FAM161A: variants seen among roughly 807,000 people sequenced by gnomAD.
FAM161A encodes the protein FAM161 centrosomal protein A, also known as protein FAM161A.
In FAM161A, 57 loss-of-function variants were observed where a neutral mutation model predicts 70.9. The observed-to-expected ratio is 0.80, with a 90% CI of 0.65 to 1.00. The LOEUF is 1.00. Ranked by LOEUF, FAM161A falls within the 50% of genes least tolerant of loss-of-function variation. FAM161A has a pLI of 0.00. For synonymous variants in FAM161A, 299 were observed against 295.7 expected, an observed-to-expected ratio of 1.01 and a Z score of -0.12; for missense variants, 880 against 836.0, an observed-to-expected ratio of 1.05 and a Z score of -0.65.
chr2:61,808,078 G>A, the FAM161A span, among the ~76,000 whole-genome samples: 1 of 152,184 alleles, frequency 6.6e-6, no homozygotes, highest in African/African-American at 2.4e-5. Context: ...TTATTTGGGA[G>A]GTGATGGCAG....
At chr2:61,850,143 T>A (rs1315677500) in intron 1 of FAM161A, among the ~76,000 whole-genome samples, 2 of 152,190 alleles carry the variant, frequency 1.3e-5, no homozygotes, top group African/African-American at 4.8e-5. Context: ...ATGCCTGTAA[T>A]CCCAGTACTT....
intron 1 of FAM161A, among the ~76,000 whole-genome samples, chr2:61,851,482 G>A (rs1035543674): frequency 3.3e-5 from 5 of 152,120 alleles, no homozygotes; most frequent in East Asian, 1.9e-4. Context: ...TTACAGGCGC[G>A]TGCCACCACG....
chr2:61,829,859 G>T (rs1335970107), intron 5 of FAM161A, among the ~76,000 whole-genome samples: 1 of 152,010 alleles, frequency 6.6e-6, no homozygotes, highest in Non-Finnish European at 1.5e-5. Flanking sequence ...CAGCAGCAGC[G>T]AGACCACAAT....
the FAM161A span, chr2:61,803,081 C>T: frequency 5.9e-3 from 2,105 of 355,218 alleles, 42 homozygotes; most frequent in African/African-American, 0.042. Flanking sequence ...TATCCTAACA[C>T]ATAGGATAGG....
Position 61,827,202 on chromosome 2 carries a change from T to A in FAM161A, c.1908A>T (p.Gly636=), listed in dbSNP as rs1672400688. The stretch of plus-strand genomic sequence containing the variant: ...TCTTTGAAACAAACTCATCAGATAT[T>A]CCTAGTGCTTTTAGGGTATTAGAAT... ...KHYSNTLKAL[G]ISDEFVSKKG... is the part of the protein sequence containing the mutation. Residue 636 remains glycine, a synonymous_variant, in exon 6 of 7, where the codon GGA becomes GGT. Transcript: ENST00000404929. The A allele has an allele frequency of 6.2e-7, 1 of 1,613,976 alleles. No homozygotes were observed. Among genetic ancestry groups the A allele is most frequent in the Non-Finnish European group, 8.5e-7 (1 of 1,179,964 alleles).
Position 61,839,458 on chromosome 2 carries a change from G to A in FAM161A, c.1546C>T (p.Pro516Ser). The A allele has an allele frequency of 6.2e-7, 1 of 1,614,132 alleles. No homozygotes were observed. Among genetic ancestry groups the A allele is most frequent in the Non-Finnish European group, 8.5e-7 (1 of 1,180,020 alleles). ...PVPCNCNPPV[P>S]TVSSRGREQA... ...TCTCGTCCTCTGGAAGATACCGTGGGCACGGGAGGGTTGCAGTTACAAGGC... is the reference window on the plus strand; with the variant it reads ...TCTCGTCCTCTGGAAGATACCGTGGACACGGGAGGGTTGCAGTTACAAGGC... Residue 516 changes from proline (P) to serine (S), a missense_variant, in exon 3 of 7, where the codon CCC (proline) becomes TCC (serine). Coordinates refer to ENST00000404929, the MANE Select transcript of FAM161A (RefSeq NM_001201543.2).
At chr2:61,824,579 C>T (rs1470361576), downstream of FAM161A, among the ~76,000 whole-genome samples, 1 of 152,072 alleles carries the variant, frequency 6.6e-6, no homozygotes, top group Non-Finnish European at 1.5e-5. Context: ...CCTACAGCCA[C>T]TCAAGATAGG....
intron 1 of FAM161A, among the ~76,000 whole-genome samples, chr2:61,847,222 C>T (rs1391710963): frequency 6.6e-6 from 1 of 152,062 alleles, no homozygotes; most frequent in Non-Finnish European, 1.5e-5. Flanking sequence ...GCTGTTCCCT[C>T]TCCCTAGGAT....
rs1333040193 is a variant in FAM161A, at chr2:61,825,423, G to T, written c.*1032C>A. The T allele has an allele frequency of 2.2e-6, 1 of 454,038 alleles. No homozygotes were observed. Among genetic ancestry groups the T allele is most frequent in the Admixed American group, 2.4e-5 (1 of 42,538 alleles). 28.1% of individuals were successfully genotyped at this position (454,038 alleles called of 1,614,324 possible). ...AAAAGGGATACTTGCCCCTAATTTA[G>T]ATTATAACTCACACATGCCATAATT... On this transcript the variant is annotated 3_prime_UTR_variant, in exon 7 of 7. Transcript: ENST00000404929.
At chr2:61,824,801 C>T (rs1385783241), downstream of FAM161A, 1 of 318,576 alleles carries the variant, frequency 3.1e-6, no homozygotes, top group South Asian at 2.8e-5. Context: ...TGTTTTTAAT[C>T]CCATGTGTAC....
At chr2:61,805,248 G>A in the FAM161A span, among the ~76,000 whole-genome samples, 1 of 152,160 alleles carries the variant, frequency 6.6e-6, no homozygotes, top group Non-Finnish European at 1.5e-5. Context: ...GACTTTGCCT[G>A]TAACCTCTGC....
Position 61,839,610 on chromosome 2 carries a change from G to T in FAM161A, c.1394C>A (p.Ala465Glu), listed in dbSNP as rs1224273976. 6.2e-7 allele frequency: 1 copy of T among 1,614,204 alleles called. No individual in the cohort carries two copies. The highest frequency in any genetic ancestry group is 8.5e-7 in the Non-Finnish European group (1 of 1,180,030). ...KPFDLHASPH[A>E]SIKREKILAD... is the part of the protein sequence containing the mutation. Reference sequence around the variant, plus strand: ...CAAAATTTTTTCTCTTTTAATAGATGCATGTGGAGATGCATGAAGATCAAA... The same window carrying T: ...CAAAATTTTTTCTCTTTTAATAGATTCATGTGGAGATGCATGAAGATCAAA... The change falls in exon 3 of 7, where the codon GCA (alanine) becomes GAA (glutamate). Residue 465 changes from alanine to glutamate, a missense_variant. Transcript: ENST00000404929.
At chr2:61,819,894 C>T (rs1410179931), downstream of FAM161A, among the ~76,000 whole-genome samples, 2 of 152,040 alleles carry the variant, frequency 1.3e-5, no homozygotes, top group South Asian at 2.1e-4. Flanking sequence ...TTGAGAAAGG[C>T]TCATTTATGA....
In FAM161A at chr2:61,842,190, C is replaced by A. The variant is rs140622968; in HGVS notation, c.354G>T (p.Gln118His). ...ETMAKLEKMY[Q>H]DKLHLKEVQP... is the part of the protein sequence containing the mutation. ...GAACTTCCTTTAAATGTAATTTATC[C>A]TGGTACATTTTCTCTAATTTTGCCA... The change falls in exon 2 of 7, where the codon CAG becomes CAT. Residue 118 changes from glutamine (Q) to histidine (H), a missense_variant. Gln to His is a conservative substitution (Grantham distance 24). Transcript: ENST00000404929. 5.7e-4 allele frequency: 925 copies of A among 1,613,876 alleles called. 1 individual carries two copies. In the African/African-American group the frequency reaches 8.7e-3, roughly 15 times the overall value.
intron 1 of FAM161A, among the ~76,000 whole-genome samples, chr2:61,848,041 A>G (rs906471888): frequency 6.6e-6 from 1 of 152,248 alleles, no homozygotes; most frequent in African/African-American, 2.4e-5. Context: ...TCCAAAAACT[A>G]TAATTAAAAC....
chr2:61,803,230 C>G, the FAM161A span: 1 of 603,964 alleles, frequency 1.7e-6, no homozygotes. Flanking sequence ...TAAGACCACA[C>G]TGGATGTCAT....
downstream of FAM161A, among the ~76,000 whole-genome samples, chr2:61,822,234 C>T (rs551163304): frequency 6.6e-6 from 1 of 151,900 alleles, no homozygotes; most frequent in African/African-American, 2.4e-5. Flanking sequence ...AGTTTGAGAC[C>T]AGCCTGGGCA....
chr2:61,803,310 A>G, the FAM161A span: 1 of 647,972 alleles, frequency 1.5e-6, no homozygotes, highest in Non-Finnish European at 2.9e-6. Flanking sequence ...TGGATTATGT[A>G]AAGTAAAATG....
intron 5 of FAM161A, among the ~76,000 whole-genome samples, chr2:61,831,310 C>T (rs1247331144): frequency 2.0e-5 from 3 of 151,566 alleles, no homozygotes; most frequent in Non-Finnish European, 4.4e-5. Flanking sequence ...GAACAAGCCT[C>T]GCATGTCACT....
Sources: allele counts gnomAD v4.1 joint callset (sites outside exome capture counted in the v4.1 genomes callset), GRCh38; gene constraint gnomAD v4.1.1; transcripts MANE v1.5; gene names NCBI Gene and HGNC (gene_info 2026-07-23, HGNC 2026-07-21).